HABP2: variants seen among roughly 807,000 people sequenced by gnomAD.
HABP2 encodes the protein hyaluronan binding protein 2, also known as factor VII-activating protease.
HABP2 carries 65 observed loss-of-function variants against 66.5 expected under a neutral mutation model. The ratio of observed to expected loss-of-function variants is 0.98; its 90% CI spans 0.80 to 1.20. The LOEUF (loss-of-function observed/expected upper bound fraction) is 1.20. Among genes scored for constraint, HABP2 ranks in the 50% most tolerant of loss-of-function variants. HABP2 has a pLI of 0.00. For missense variants in HABP2, 786 were observed against 691.0 expected, an observed-to-expected ratio of 1.14 and a Z score of -1.54; for synonymous variants, 263 against 253.9, an observed-to-expected ratio of 1.04 and a Z score of -0.34.
intron 11 of HABP2, 26 bp from the exon 12 acceptor site, chr10:113,585,767 C>T (rs1845620709): frequency 6.2e-7 from 1 of 1,605,362 alleles, no homozygotes; most frequent in African/African-American, 1.3e-5. Flanking sequence ...ACAGTAGTGA[C>T]TCTTTTCTCT....
chr10:113,559,770 T>C (rs1845067341), intron 1 of HABP2, among the ~76,000 whole-genome samples: 1 of 152,242 alleles, frequency 6.6e-6, no homozygotes, highest in African/African-American at 2.4e-5. Context: ...CCATTGCCCC[T>C]GTCCCATCTC....
At chr10:113,575,228 C>G (rs1845387570) in intron 3 of HABP2, among the ~76,000 whole-genome samples, 1 of 152,114 alleles carries the variant, frequency 6.6e-6, no homozygotes, top group Non-Finnish European at 1.5e-5. Context: ...GTTCCTGAAC[C>G]AAAGAACAAT....
At chr10:113,574,047 C>T (rs970764509) in intron 2 of HABP2, among the ~76,000 whole-genome samples, 2 of 152,182 alleles carry the variant, frequency 1.3e-5, no homozygotes, top group African/African-American at 4.8e-5. Flanking sequence ...CACTTCCAAT[C>T]AGGTGCTCAT....
upstream of HABP2, among the ~76,000 whole-genome samples, chr10:113,551,822 T>C (rs191698830): frequency 6.6e-6 from 1 of 150,980 alleles, no homozygotes; most frequent in Non-Finnish European, 1.5e-5. Context: ...ATAATAATAA[T>C]AATAATAAAA....
At chr10:113,576,218 G>A (rs1478110413) in intron 4 of HABP2, among the ~76,000 whole-genome samples, 1 of 152,174 alleles carries the variant, frequency 6.6e-6, no homozygotes, top group Non-Finnish European at 1.5e-5. Context: ...TCTCCAGATG[G>A]GAAGATTGAG....
rs192230567 is a variant in HABP2 at position 113,562,823 on chromosome 10, G to A, written c.70-4666G>A. Among the ~76,000 whole-genome samples, 11 of 152,294 alleles carry A rather than the reference G, an allele frequency of 7.2e-5. No homozygotes were observed. In the East Asian group the frequency reaches 2.1e-3, roughly 29 times the overall value. On this transcript the variant is annotated intron_variant, in intron 1 of 12. Transcript: ENST00000351270. ...CCTAGCTCAACACCTGCCTCTCAAG[G>A]TTAATGAGCTTTTCTGTTTCTTTCT...
chr10:113,552,599 A>G (rs1844917585), upstream of HABP2, among the ~76,000 whole-genome samples: 1 of 152,256 alleles, frequency 6.6e-6, no homozygotes, highest in Non-Finnish European at 1.5e-5. Context: ...ATGTTTGTCA[A>G]TAGCAGTTTT....
At position 113,571,628 on chromosome 10, in the gene HABP2, C is replaced by T. The variant is rs11575730; in HGVS notation, c.107-2661C>T. 1.6e-3 allele frequency among the ~76,000 whole-genome samples: 247 copies of T among 152,204 alleles called. 2 individuals are homozygous for T. The highest frequency in any genetic ancestry group is 5.6e-3 in the African/African-American group (232 of 41,544). On this transcript the variant is annotated intron_variant, in intron 2 of 12. Transcript: ENST00000351270. ...GCAGGGAGGGGTGGAGAATCAAGGGCTATTTTTGTCATCAGATTGGCTCAT... is the reference window on the plus strand; with the variant it reads ...GCAGGGAGGGGTGGAGAATCAAGGGTTATTTTTGTCATCAGATTGGCTCAT...
intron 3 of HABP2, among the ~76,000 whole-genome samples, chr10:113,575,387 G>A (rs913496822): frequency 2.6e-5 from 4 of 152,134 alleles, no homozygotes; most frequent in Non-Finnish European, 4.4e-5. Context: ...CCTCCTTGCC[G>A]CCAATTCTTC....
At chr10:113,574,546 T>C in intron 3 of HABP2, 141 bp downstream of exon 3, 1 of 570,726 alleles carries the variant, frequency 1.8e-6, no homozygotes, top group Non-Finnish European at 3.1e-6. Flanking sequence ...TTGGACTGGC[T>C]TTTTTTTCTG....
At chr10:113,562,314 T>C (rs1349166415) in intron 1 of HABP2, among the ~76,000 whole-genome samples, 1 of 152,170 alleles carries the variant, frequency 6.6e-6, no homozygotes, top group Non-Finnish European at 1.5e-5. Context: ...GTGAAGATGT[T>C]TGTTAAGATG....
intron 1 of HABP2, among the ~76,000 whole-genome samples, chr10:113,562,957 T>C (rs1783861671): frequency 1.3e-5 from 2 of 152,240 alleles, no homozygotes; most frequent in African/African-American, 4.8e-5. Flanking sequence ...CTGTTCTGGC[T>C]CCAGCATTTC....
chr10:113,562,741 G>A (rs4643011), intron 1 of HABP2, among the ~76,000 whole-genome samples: 17,111 of 152,284 alleles, frequency 0.11, 1,041 homozygotes, highest in Middle Eastern at 0.15. Context: ...CACTGCGCCC[G>A]GCCCACAGAT....
chr10:113,562,208 G>A lies in HABP2; in HGVS notation c.70-5281G>A, dbSNP rs552686475. 7.9e-5 allele frequency among the ~76,000 whole-genome samples: 12 copies of A among 152,302 alleles called. No individual in the cohort carries two copies. In the East Asian group the frequency reaches 1.5e-3, roughly 20 times the overall value. ...CAGCGTCCACCCTTTAAGAGAAGAC[G>A]GGTCAGCTGGGACCATGTGCTATTT... is the stretch of plus-strand genomic sequence containing the variant. On this transcript the variant is annotated intron_variant, in intron 1 of 12. Transcript: ENST00000351270.
chr10:113,554,738 T>C (rs927590772), intron 1 of HABP2, among the ~76,000 whole-genome samples: 30 of 152,236 alleles, frequency 2.0e-4, no homozygotes, highest in African/African-American at 7.0e-4. Context: ...GTTGACACGG[T>C]ATGTTTGAAG....
intron 1 of HABP2, among the ~76,000 whole-genome samples, chr10:113,563,743 T>G (rs11575643): frequency 0.28 from 43,294 of 152,124 alleles, 6,918 homozygotes; most frequent in East Asian, 0.5. Flanking sequence ...GGGCCCTTCC[T>G]TGCTGGACCC....
chr10:113,567,161 G>A (rs1267141460), intron 1 of HABP2, among the ~76,000 whole-genome samples: 1 of 152,198 alleles, frequency 6.6e-6, no homozygotes, highest in African/African-American at 2.4e-5. Flanking sequence ...CAGGCAGGGA[G>A]TAGATGAAAC....
chr10:113,568,172 A>G (rs1263904537), intron 2 of HABP2, among the ~76,000 whole-genome samples: 1 of 152,118 alleles, frequency 6.6e-6, no homozygotes, highest in East Asian at 1.9e-4. Flanking sequence ...CCCCTTCCAC[A>G]TCATGCACTC....
intron 1 of HABP2, among the ~76,000 whole-genome samples, chr10:113,561,181 T>A (rs1405164607): frequency 6.6e-6 from 1 of 152,156 alleles, no homozygotes; most frequent in Non-Finnish European, 1.5e-5. Flanking sequence ...TGATTTACAG[T>A]GTAATCTTCT....
Sources: gnomAD v4.1 joint callset for allele counts (sites outside exome capture counted in the v4.1 genomes callset) on GRCh38, gnomAD v4.1.1 for gene constraint, MANE v1.5 for transcripts, NCBI Gene and HGNC (gene_info 2026-07-23, HGNC 2026-07-21) for gene names.